Variants in CERT1 observed in about 807,000 individuals in gnomAD.
The protein encoded by CERT1 is ceramide transporter 1, also known as ceramide transfer protein.
Under a neutral mutation model 87.9 loss-of-function variants are expected in CERT1, and 31 were observed. That is an observed-to-expected ratio of 0.35 (90% confidence interval 0.27 to 0.48). The LOEUF (loss-of-function observed/expected upper bound fraction) is 0.48, where lower values mean the gene tolerates loss of function less well. Ranked by LOEUF, CERT1 falls within the 20% of genes least tolerant of loss-of-function variation. The probability of loss-of-function intolerance (pLI) is 0.99; values close to 1 mark genes in which losing one functional copy is unlikely to be tolerated. For synonymous variants in CERT1, 289 were observed against 250.9 expected, an observed-to-expected ratio of 1.15 and a Z score of -1.44; for missense variants, 487 against 758.0, an observed-to-expected ratio of 0.64 and a Z score of 4.20.
chr5:75,478,656 T>G lies in CERT1; in HGVS notation c.232-19475A>C, dbSNP rs74316637. The stretch of plus-strand genomic sequence containing the variant: ...CCTTCTAGCAGAAGACTAGAGGTTT[T>G]CTATTTGGATATGTTGAATTGAAAG... On this transcript the variant is annotated intron_variant, in intron 2 of 16. Coordinates refer to ENST00000643780, the MANE Select transcript of CERT1 (RefSeq NM_001379029.1). Among the ~76,000 whole-genome samples the G allele has an allele frequency of 2.1e-3, 316 of 152,196 alleles. 1 individual carries two copies. The East Asian group carries it at 0.027, about 13-fold the overall frequency.
intron 3 of CERT1, among the ~76,000 whole-genome samples, chr5:75,429,253 G>A (rs1046883260): frequency 5.3e-5 from 8 of 151,300 alleles, no homozygotes; most frequent in Non-Finnish European, 1.0e-4. Context: ...CCAGGCTGGA[G>A]TGCAGTGGCA....
intron 5 of CERT1, among the ~76,000 whole-genome samples, chr5:75,419,979 C>CTTTTTT (rs1273635169): frequency 7.0e-6 from 1 of 141,964 alleles, no homozygotes. Context: ...AAGAGTTGTT[C>CTTTTTT]TTTTTTTTTT....
intron 2 of CERT1, among the ~76,000 whole-genome samples, chr5:75,482,588 T>C (rs529884204): frequency 6.6e-6 from 1 of 152,338 alleles, no homozygotes; most frequent in East Asian, 1.9e-4. Flanking sequence ...GACCCAGTGC[T>C]GTGGTGGCTG....
intron 8 of CERT1, among the ~76,000 whole-genome samples, chr5:75,405,153 A>C (rs1315652863): frequency 1.3e-5 from 2 of 152,148 alleles, no homozygotes; most frequent in Non-Finnish European, 2.9e-5. Context: ...TTTAAAAAAA[A>C]CCCTTTTATC....
intron 14 of CERT1, among the ~76,000 whole-genome samples, 161 bp from the exon 15 acceptor site, chr5:75,382,238 T>C (rs919812282): frequency 5.9e-5 from 9 of 152,236 alleles, no homozygotes; most frequent in African/African-American, 1.7e-4. Flanking sequence ...ACAGAGTTAA[T>C]AGCTTTGCAG....
chr5:75,390,377 A>T (rs912072535), intron 11 of CERT1, among the ~76,000 whole-genome samples: 4 of 152,190 alleles, frequency 2.6e-5, no homozygotes, highest in Non-Finnish European at 5.9e-5. Flanking sequence ...CAATGCTAAT[A>T]TTCATATATG....
rs541181393 is a variant in CERT1, at chr5:75,491,322, C to G, written c.231+14660G>C. Among the ~76,000 whole-genome samples the G allele has an allele frequency of 2.0e-5, 3 of 151,904 alleles. No individual in the cohort carries two copies. In the East Asian group the frequency reaches 5.8e-4, roughly 29 times the overall value. On this transcript the variant is annotated intron_variant, in intron 2 of 16. Transcript: ENST00000643780. ...TCTTGCAGGTCTTTAAAAATTTTTT[C>G]CTTGACCATCCAATTTCCAAAGAAC...
At chr5:75,465,150 T>TGAAA (rs1765406547) in intron 2 of CERT1, among the ~76,000 whole-genome samples, 1 of 152,188 alleles carries the variant, frequency 6.6e-6, no homozygotes, top group Non-Finnish European at 1.5e-5. Flanking sequence ...GCTCTCTCCT[T>TGAAA]TTTCAAGTTT....
intron 2 of CERT1, among the ~76,000 whole-genome samples, chr5:75,488,089 A>G (rs929069337): frequency 6.6e-6 from 1 of 152,064 alleles, no homozygotes; most frequent in Non-Finnish European, 1.5e-5. Flanking sequence ...TGGAGGGTTA[A>G]TAAGTACAAA....
chr5:75,400,588 T>C (rs1016867197), intron 9 of CERT1: 8 of 276,182 alleles, frequency 2.9e-5, no homozygotes, highest in Non-Finnish European at 4.7e-5. Context: ...TTATTTATCA[T>C]GGGTCAATCT....
chr5:75,464,703 G>A (rs1161803534), intron 2 of CERT1, among the ~76,000 whole-genome samples: 2 of 152,110 alleles, frequency 1.3e-5, no homozygotes, highest in African/African-American at 4.8e-5. Context: ...AGCCTCTGGA[G>A]TAGCTGAGAC....
intron 5 of CERT1, among the ~76,000 whole-genome samples, chr5:75,422,169 T>C (rs928379597): frequency 3.9e-5 from 6 of 152,138 alleles, no homozygotes; most frequent in African/African-American, 1.2e-4. Flanking sequence ...ATGATACAAT[T>C]ATTTCTTTTT....
intron 3 of CERT1, among the ~76,000 whole-genome samples, chr5:75,427,377 T>A (rs1472408776): frequency 1.3e-5 from 2 of 152,160 alleles, no homozygotes; most frequent in Admixed American, 6.5e-5. Flanking sequence ...GGTGGGTGGA[T>A]CACTTGAGGT....
intron 3 of CERT1, among the ~76,000 whole-genome samples, chr5:75,428,955 T>C (rs184010053): frequency 3.7e-4 from 56 of 152,030 alleles, no homozygotes; most frequent in African/African-American, 8.7e-4. Flanking sequence ...CCCCCATCTT[T>C]ATTATCTTTA....
chr5:75,410,938 G>A (rs1762911643), intron 8 of CERT1, 73 bp downstream of exon 8: 9 of 753,706 alleles, frequency 1.2e-5, no homozygotes, highest in African/African-American at 1.8e-5. Context: ...GGTTACAAGA[G>A]TATTATTAAA....
chr5:75,404,198 T>A lies in CERT1; in HGVS notation c.931-1140A>T, dbSNP rs144311370. ...CACTGGAAGGGTGGGAGGTATGGGG[T>A]CACGTTCTTGTCATTTGGCATATAA... On this transcript the variant is annotated intron_variant, in intron 8 of 16. Transcript: ENST00000643780. Among the ~76,000 whole-genome samples, 315 of 150,714 alleles carry A rather than the reference T, an allele frequency of 2.1e-3. 1 individual carries two copies. In the East Asian group the frequency reaches 0.028, roughly 13 times the overall value.
At position 75,479,310 on chromosome 5, in the gene CERT1, T is replaced by G. The variant is rs189283851; in HGVS notation, c.232-20129A>C. 4.6e-5 allele frequency among the ~76,000 whole-genome samples: 7 copies of G among 152,168 alleles called. No homozygotes were observed. The East Asian group carries it at 1.4e-3, about 29-fold the overall frequency. On this transcript the variant is annotated intron_variant, in intron 2 of 16. Coordinates refer to ENST00000643780, the MANE Select transcript of CERT1 (RefSeq NM_001379029.1). The stretch of plus-strand genomic sequence containing the variant: ...TACAGTCTTTTTTTTTAACTTTTAT[T>G]TTAGGTTTGGGGGTACATGTGAAGG...
At chr5:75,499,884 A>T (rs996119543) in intron 2 of CERT1, among the ~76,000 whole-genome samples, 2 of 152,154 alleles carry the variant, frequency 1.3e-5, no homozygotes, top group Non-Finnish European at 2.9e-5. Context: ...CCTCAAAATC[A>T]TATTATATGT....
intron 2 of CERT1, among the ~76,000 whole-genome samples, chr5:75,477,647 T>TAA (rs540588442): frequency 0.1 from 9,022 of 89,182 alleles, 532 homozygotes; most frequent in South Asian, 0.22. Flanking sequence ...TAATAAGTTG[T>TAA]AAAAAAAAAA....
Sources: allele counts gnomAD v4.1 joint callset (sites outside exome capture counted in the v4.1 genomes callset), GRCh38; gene constraint gnomAD v4.1.1; transcripts MANE v1.5; gene names NCBI Gene and HGNC (gene_info 2026-07-23, HGNC 2026-07-21).